The following CCNJL variants were observed in gnomAD, a reference collection of about 807,000 sequenced individuals.
CCNJL encodes cyclin-J-like protein.
Under a neutral mutation model 33.4 loss-of-function variants are expected in CCNJL, and 33 were observed. The observed-to-expected ratio is 0.99, with a 90% CI of 0.75 to 1.32. The LOEUF (loss-of-function observed/expected upper bound fraction) is 1.32, where lower values mean the gene tolerates loss of function less well. Among genes scored for constraint, CCNJL ranks in the 40% most tolerant of loss-of-function variants. The probability of loss-of-function intolerance (pLI) is 0.00; values close to 1 mark genes in which losing one functional copy is unlikely to be tolerated. For missense variants in CCNJL, 512 were observed against 499.7 expected, an observed-to-expected ratio of 1.02 and a Z score of -0.23; for synonymous variants, 227 against 220.9, an observed-to-expected ratio of 1.03 and a Z score of -0.24.
chr5:160,253,716 TG>T lies in CCNJL; in HGVS notation c.825del (p.Thr276LeufsTer147). The T allele has an allele frequency of 6.3e-7, 1 of 1,589,524 alleles. No individual in the cohort carries two copies. On this transcript the variant is annotated frameshift_variant, in exon 6 of 6. Transcript: ENST00000257536. LOFTEE classifies it high-confidence loss of function. ...GCTGGTGGCTGGAACAGCACTTGAG[TG>T]GGGGTGGGGGGTGTGCCGGGCACCA... is the stretch of plus-strand genomic sequence containing the variant. ...LAMVPGTPPT[P>X]TQVLFQPPAY...
chr5:160,306,781 A>G (rs1216352784), intron 2 of CCNJL, among the ~76,000 whole-genome samples: 1 of 152,178 alleles, frequency 6.6e-6, no homozygotes, highest in Non-Finnish European at 1.5e-5. Context: ...TCAGGAAGAA[A>G]AACAGGACCT....
intron 3 of CCNJL, chr5:160,261,362 A>G (rs1269660728): frequency 1.3e-5 from 2 of 152,222 alleles, no homozygotes; most frequent in Admixed American, 1.3e-4. Flanking sequence ...TGTACAAGAC[A>G]GTGAAGGGCA....
intron 2 of CCNJL, among the ~76,000 whole-genome samples, chr5:160,300,653 C>T (rs1367547310): frequency 1.3e-5 from 2 of 152,104 alleles, no homozygotes; most frequent in Non-Finnish European, 2.9e-5. Flanking sequence ...CACCCCCGCT[C>T]TAGTCATTTT....
chr5:160,273,642 C>CTTTTT lies in CCNJL; in HGVS notation c.280+6878_280+6882dup, dbSNP rs56869675. Among the ~76,000 whole-genome samples, 52 of 97,734 alleles carry CTTTTT rather than the reference C, an allele frequency of 5.3e-4. 2 individuals carry two copies. The highest frequency in any genetic ancestry group is 2.0e-3 in the African/African-American group (47 of 23,952). The allele number at this position is 97,734 out of a possible 152,430, so 64.1% of individuals were successfully genotyped here. A position where few individuals can be genotyped will look rare whatever the true frequency, so the allele number is the denominator to read the frequency against. On this transcript the variant is annotated intron_variant, in intron 3 of 5. Coordinates refer to ENST00000257536, the MANE Select transcript of CCNJL (RefSeq NM_001308173.3). ...GCAAAGCACCACGAAAGTGCCGCCACTTTTTTTTTTTTTTTTTTTTTTGAG... is the reference window on the plus strand; with the variant it reads ...GCAAAGCACCACGAAAGTGCCGCCACTTTTTTTTTTTTTTTTTTTTTTTTTTTGAG...
At position 160,308,750 on chromosome 5, in the gene CCNJL, C is replaced by T. The variant is rs906334020; in HGVS notation, c.66+3108G>A. On this transcript the variant is annotated intron_variant, in intron 2 of 5. Coordinates refer to ENST00000257536, the MANE Select transcript of CCNJL (RefSeq NM_001308173.3). Reference sequence around the variant, plus strand: ...TAGCCTGTGCGACAGAGTGAGACTCCGTCTCAAAGAAACCAACCAACCAAA... The same window carrying T: ...TAGCCTGTGCGACAGAGTGAGACTCTGTCTCAAAGAAACCAACCAACCAAA... Among the ~76,000 whole-genome samples, 8 of 152,320 alleles carry T rather than the reference C, an allele frequency of 5.3e-5. 1 individual carries two copies. In the South Asian group the frequency reaches 1.4e-3, roughly 28 times the overall value.
At position 160,253,670 on chromosome 5, in the gene CCNJL, G is replaced by A. The variant is rs1561767667; in HGVS notation, c.872C>T (p.Pro291Leu). The A allele has an allele frequency of 6.2e-7, 1 of 1,609,182 alleles. No individual in the cohort carries two copies. The highest frequency in any genetic ancestry group is 8.5e-7 in the Non-Finnish European group (1 of 1,176,750). The change falls in exon 6 of 6, where the codon CCA becomes CTA. Residue 291 changes from proline (P) to leucine (L), a missense_variant. Pro to Leu is a moderately conservative substitution (Grantham distance 98). Coordinates refer to ENST00000257536, the MANE Select transcript of CCNJL (RefSeq NM_001308173.3). ...CTGGAACTGTGCCAGGGTGGTCGCT[G>A]GCTGGCCGAGGGCCGGGTAGGCTGG... The part of the protein sequence containing the change: ...QPPAYPALGQ[P>L]ATTLAQFQTP...
chr5:160,258,135 C>T (rs894309832), intron 4 of CCNJL: 16 of 358,622 alleles, frequency 4.5e-5, no homozygotes, highest in Middle Eastern at 9.1e-4. Flanking sequence ...CATAAGCCAC[C>T]GCGCCCAGTC....
rs760349678 is a variant in CCNJL, at chr5:160,280,757, G to A, written c.67-19C>T. Reference sequence around the variant, plus strand: ...TCAGTTCCTGGAGGACAGGCGGGGCGGAGGGGTGACGGTCAGGGCTGCCTC... The same window carrying A: ...TCAGTTCCTGGAGGACAGGCGGGGCAGAGGGGTGACGGTCAGGGCTGCCTC... On this transcript the variant is annotated intron_variant, in intron 2 of 5. Transcript: ENST00000257536. The A allele has an allele frequency of 3.4e-5, 53 of 1,546,230 alleles. No individual in the cohort carries two copies. The highest frequency in any genetic ancestry group is 4.7e-5 in the Non-Finnish European group (53 of 1,135,052).
intron 2 of CCNJL, among the ~76,000 whole-genome samples, chr5:160,288,404 C>T (rs930474582): frequency 6.6e-6 from 1 of 152,208 alleles, no homozygotes; most frequent in African/African-American, 2.4e-5. Context: ...AGCAACCCCA[C>T]ATCATCCCTT....
chr5:160,320,216 T>C (rs1226108381), intron 1 of CCNJL, among the ~76,000 whole-genome samples: 1 of 152,216 alleles, frequency 6.6e-6, no homozygotes, highest in East Asian at 1.9e-4. Context: ...TTGTCATCCA[T>C]AATAATAACA....
chr5:160,287,007 C>A (rs1478080126), intron 2 of CCNJL, among the ~76,000 whole-genome samples: 1 of 152,100 alleles, frequency 6.6e-6, no homozygotes, highest in East Asian at 1.9e-4. Flanking sequence ...CAGAGTCACT[C>A]CCTGTACCAA....
chr5:160,304,270 C>T (rs17057621), intron 2 of CCNJL, among the ~76,000 whole-genome samples: 2,869 of 152,274 alleles, frequency 0.019, 92 homozygotes, highest in African/African-American at 0.063. Context: ...CTCGAGAATA[C>T]GGGTGAAGCA....
At chr5:160,263,660 T>A (rs1477342235) in intron 3 of CCNJL, among the ~76,000 whole-genome samples, 1 of 152,210 alleles carries the variant, frequency 6.6e-6, no homozygotes, top group Non-Finnish European at 1.5e-5. Context: ...TCCTGGCTTA[T>A]GTTAGATCAC....
At chr5:160,260,639 T>C (rs1267587216) in intron 3 of CCNJL, among the ~76,000 whole-genome samples, 4 of 152,010 alleles carry the variant, frequency 2.6e-5, no homozygotes, top group Non-Finnish European at 5.9e-5. Flanking sequence ...CATGACAGCT[T>C]CCACTGCGTG....
At chr5:160,295,810 A>G (rs985652999) in intron 2 of CCNJL, among the ~76,000 whole-genome samples, 3 of 152,180 alleles carry the variant, frequency 2.0e-5, no homozygotes, top group Non-Finnish European at 2.9e-5. Context: ...TGACACCCCG[A>G]TGTCAGACTT....
intron 2 of CCNJL, among the ~76,000 whole-genome samples, chr5:160,304,480 G>C (rs1763028567): frequency 6.6e-6 from 1 of 152,120 alleles, no homozygotes; most frequent in South Asian, 2.1e-4. Flanking sequence ...CATCTCCAGG[G>C]GGTCATGAGG....
chr5:160,309,560 A>G (rs1447440824), intron 2 of CCNJL, among the ~76,000 whole-genome samples: 1 of 152,240 alleles, frequency 6.6e-6, no homozygotes, highest in South Asian at 2.1e-4. Flanking sequence ...ACATTTGAGA[A>G]AAACAATTAC....
intron 3 of CCNJL, among the ~76,000 whole-genome samples, chr5:160,276,116 T>C (rs923102001): frequency 6.6e-6 from 1 of 152,168 alleles, no homozygotes; most frequent in Non-Finnish European, 1.5e-5. Flanking sequence ...AAATGAAGGC[T>C]GGGCACTGTG....
At chr5:160,279,726 G>C (rs370881611) in intron 3 of CCNJL, among the ~76,000 whole-genome samples, 1 of 152,206 alleles carries the variant, frequency 6.6e-6, no homozygotes, top group African/African-American at 2.4e-5. Flanking sequence ...TATGACAAGA[G>C]GGGGCTTGGC....
Sources: gnomAD v4.1 joint callset for allele counts (sites outside exome capture counted in the v4.1 genomes callset) on GRCh38, gnomAD v4.1.1 for gene constraint, MANE v1.5 for transcripts, NCBI Gene and HGNC (gene_info 2026-07-23, HGNC 2026-07-21) for gene names.